Variants in THSD7B observed in about 807,000 individuals in gnomAD.
THSD7B encodes thrombospondin type-1 domain-containing protein 7B.
Under a neutral mutation model 213.6 loss-of-function variants are expected in THSD7B, and 138 were observed. The ratio of observed to expected loss-of-function variants is 0.65; its 90% CI spans 0.56 to 0.74. The LOEUF (loss-of-function observed/expected upper bound fraction) is 0.74, where lower values mean the gene tolerates loss of function less well. Ranked by LOEUF, THSD7B falls within the 30% of genes least tolerant of loss-of-function variation. The pLI, the probability that THSD7B is intolerant of heterozygous loss-of-function variation, is 0.00. For synonymous variants in THSD7B, 742 were observed against 687.0 expected, an observed-to-expected ratio of 1.08 and a Z score of -1.25; for missense variants, 1,931 against 1,991.5, an observed-to-expected ratio of 0.97 and a Z score of 0.58.
chr2:137,441,730 T>C (rs1687416011), intron 14 of THSD7B, among the ~76,000 whole-genome samples: 1 of 152,114 alleles, frequency 6.6e-6, no homozygotes, highest in African/African-American at 2.4e-5. Flanking sequence ...CAACAATTGA[T>C]TTATTGACCC....
rs894493150 is a variant in THSD7B, at chr2:137,259,021, C to T, written c.2267-13512C>T. Among the ~76,000 whole-genome samples, 6 of 152,076 alleles carry T rather than the reference C, an allele frequency of 3.9e-5. 1 individual carries two copies. Among genetic ancestry groups the T allele is most frequent in the African/African-American group, 1.2e-4 (5 of 41,416 alleles). ...CCCTGCAAAGGACATTATCTCATTC[C>T]TTTTTATGGCTGCATAGTATTCCAT... On this transcript the variant is annotated intron_variant, in intron 10 of 27. Coordinates refer to ENST00000409968, the MANE Select transcript of THSD7B (RefSeq NM_001316349.2).
intron 14 of THSD7B, among the ~76,000 whole-genome samples, chr2:137,418,136 T>C (rs1359909860): frequency 6.6e-6 from 1 of 152,244 alleles, no homozygotes; most frequent in African/African-American, 2.4e-5. Context: ...CTTCATATAA[T>C]ATTGCTGTGT....
chr2:136,800,242 A>T (rs1682151440), intron 1 of THSD7B, among the ~76,000 whole-genome samples: 1 of 152,014 alleles, frequency 6.6e-6, no homozygotes, highest in Non-Finnish European at 1.5e-5. Context: ...TACAGTCATT[A>T]TATTTGCATC....
At chr2:136,979,844 C>T (rs1343259794) in intron 2 of THSD7B, among the ~76,000 whole-genome samples, 4 of 152,132 alleles carry the variant, frequency 2.6e-5, no homozygotes, top group Non-Finnish European at 5.9e-5. Context: ...AGAAGAGACA[C>T]TCTTGCTTTT....
At chr2:137,253,475 A>C (rs1246942668) in intron 10 of THSD7B, among the ~76,000 whole-genome samples, 1 of 152,172 alleles carries the variant, frequency 6.6e-6, no homozygotes, top group Non-Finnish European at 1.5e-5. Flanking sequence ...AAAATGATTT[A>C]TTATTAGCAT....
chr2:137,663,513 G>A lies in THSD7B; in HGVS notation c.4589G>A (p.Arg1530Lys), dbSNP rs865978514. ...GTGAAAAACCTTTCTGGGAAAAACAGACCTGTGAATTCAAAAATACATGAT... is the reference window on the plus strand; with the variant it reads ...GTGAAAAACCTTTCTGGGAAAAACAAACCTGTGAATTCAAAAATACATGAT... The part of the protein sequence containing the change: ...ADVKNLSGKN[R>K]PVNSKIHDIF... Residue 1530 changes from arginine to lysine, a missense_variant, in exon 26 of 28, where the codon AGA becomes AAA. Arg to Lys is a conservative substitution (Grantham distance 26, BLOSUM62 2). Coordinates refer to ENST00000409968, the MANE Select transcript of THSD7B (RefSeq NM_001316349.2). 1 of 1,607,962 alleles carries A rather than the reference G, an allele frequency of 6.2e-7. No homozygotes were observed. The highest frequency in any genetic ancestry group is 8.5e-7 in the Non-Finnish European group (1 of 1,176,810).
chr2:137,467,073 A>G (rs1489040530), intron 15 of THSD7B, among the ~76,000 whole-genome samples: 2 of 152,144 alleles, frequency 1.3e-5, no homozygotes, highest in African/African-American at 4.8e-5. Flanking sequence ...CACTGACTGA[A>G]GCTGCATGTA....
At position 137,676,731 on chromosome 2, in the gene THSD7B, A is replaced by G; in HGVS notation, c.*126A>G. On this transcript the variant is annotated 3_prime_UTR_variant, in exon 28 of 28. Transcript: ENST00000409968. The stretch of plus-strand genomic sequence containing the variant: ...ATATTGGGCAGAATACAAATATTGC[A>G]AAAGTAATATTGCCTCAACTTCATT... 2 of 750,646 alleles carry G rather than the reference A, an allele frequency of 2.7e-6. No individual in the cohort carries two copies. Among genetic ancestry groups the G allele is most frequent in the Non-Finnish European group, 3.9e-6 (2 of 510,252 alleles). The allele number at this position is 750,646 out of a possible 1,614,324, so 46.5% of individuals were successfully genotyped here. A position where few individuals can be genotyped will look rare whatever the true frequency, so the allele number is the denominator to read the frequency against.
intron 12 of THSD7B, among the ~76,000 whole-genome samples, chr2:137,403,797 T>G (rs1686432656): frequency 6.6e-6 from 1 of 152,212 alleles, no homozygotes; most frequent in Non-Finnish European, 1.5e-5. Flanking sequence ...AAGGGAACAT[T>G]TGGCAATGCC....
At chr2:137,570,530 A>G (rs1477224859) in intron 16 of THSD7B, among the ~76,000 whole-genome samples, 1 of 151,998 alleles carries the variant, frequency 6.6e-6, no homozygotes, top group Non-Finnish European at 1.5e-5. Context: ...GGATGGTCTC[A>G]ATCTCTTTTT....
chr2:137,652,423 T>A (rs1308497224), intron 21 of THSD7B, among the ~76,000 whole-genome samples: 6 of 152,112 alleles, frequency 3.9e-5, no homozygotes. Flanking sequence ...ATTCTTTCAC[T>A]TTCAATGTCT....
At chr2:137,126,579 G>T (rs1014684993) in intron 5 of THSD7B, among the ~76,000 whole-genome samples, 1 of 151,972 alleles carries the variant, frequency 6.6e-6, no homozygotes, top group African/African-American at 2.4e-5. Flanking sequence ...TCTATCCAGA[G>T]AACTCAAACT....
rs1328728699 is a variant in THSD7B, at chr2:137,507,848, G to A, written c.3139-55373G>A. On this transcript the variant is annotated intron_variant, in intron 15 of 27. Coordinates refer to ENST00000409968, the MANE Select transcript of THSD7B (RefSeq NM_001316349.2). ...ATGTGTGGCGAAATTGATTACTTTC[G>A]AAAGATGATTTGGGCTAAAATAATT... is the stretch of plus-strand genomic sequence containing the variant. 4.6e-5 allele frequency among the ~76,000 whole-genome samples: 7 copies of A among 151,370 alleles called. No homozygotes were observed. In the East Asian group the frequency reaches 5.8e-4, roughly 13 times the overall value.
chr2:136,818,702 G>A (rs1468487953), intron 1 of THSD7B, among the ~76,000 whole-genome samples: 2 of 152,068 alleles, frequency 1.3e-5, no homozygotes, highest in African/African-American at 4.8e-5. Flanking sequence ...TAGTTCTTCA[G>A]CCTCTATGTG....
intron 10 of THSD7B, among the ~76,000 whole-genome samples, chr2:137,251,122 T>C (rs74446730): frequency 1.3e-5 from 2 of 152,234 alleles, no homozygotes; most frequent in Non-Finnish European, 2.9e-5. Flanking sequence ...GTCAAATAAA[T>C]AGATGCTAGC....
In THSD7B at chr2:137,191,974, T is replaced by C. The variant is rs577711827; in HGVS notation, c.1723+21036T>C. Among the ~76,000 whole-genome samples the C allele has an allele frequency of 5.9e-5, 9 of 152,310 alleles. No homozygotes were observed. The South Asian group carries it at 1.7e-3, about 28-fold the overall frequency. On this transcript the variant is annotated intron_variant, in intron 7 of 27. Transcript: ENST00000409968. ...TTTGGGGTGTTCCAGTTTTTTGGGG[T>C]ATTACAGATAGTGCTAAGATGAATA...
chr2:137,016,890 A>G (rs142275871), intron 2 of THSD7B, among the ~76,000 whole-genome samples: 2 of 152,304 alleles, frequency 1.3e-5, no homozygotes, highest in East Asian at 1.9e-4. Context: ...CAAGTTTACA[A>G]TTCTTTACCC....
intron 12 of THSD7B, among the ~76,000 whole-genome samples, chr2:137,332,991 G>A (rs1374094362): frequency 6.6e-6 from 1 of 152,174 alleles, no homozygotes; most frequent in Non-Finnish European, 1.5e-5. Context: ...CTTTCAGTGA[G>A]CAACAGAATG....
intron 7 of THSD7B, among the ~76,000 whole-genome samples, chr2:137,226,101 A>T (rs1681493943): frequency 6.6e-6 from 1 of 151,866 alleles, no homozygotes; most frequent in African/African-American, 2.4e-5. Context: ...GCAAGCATTT[A>T]ATCAAGGTTT....
Sources: gnomAD v4.1 joint callset for allele counts (sites outside exome capture counted in the v4.1 genomes callset) on GRCh38, gnomAD v4.1.1 for gene constraint, MANE v1.5 for transcripts, NCBI Gene and HGNC (gene_info 2026-07-23, HGNC 2026-07-21) for gene names.